DLG2: variants seen among roughly 807,000 people sequenced by gnomAD.
DLG2 encodes disks large homolog 2.
A neutral mutation model predicts 132.5 loss-of-function variants in DLG2; 45 were observed. That is an observed-to-expected ratio of 0.34 (90% confidence interval 0.27 to 0.44). DLG2 has a LOEUF of 0.44. Ranked by LOEUF, DLG2 falls within the 20% of genes least tolerant of loss-of-function variation. The probability of loss-of-function intolerance (pLI) is 1.00; values close to 1 mark genes in which losing one functional copy is unlikely to be tolerated. For missense variants in DLG2, 1,045 were observed against 1,196.9 expected (o/e 0.87, Z 1.87); for synonymous variants, 424 against 419.6 (o/e 1.01, Z -0.13).
intron 7 of DLG2, among the ~76,000 whole-genome samples, chr11:84,463,504 G>C (rs1215921082): frequency 6.6e-6 from 1 of 151,172 alleles, no homozygotes; most frequent in Non-Finnish European, 1.5e-5. Flanking sequence ...TTGGCAGACA[G>C]TGCCTGAGCT....
At chr11:84,714,595 T>TTTTTCTCTC (rs2060897384) in intron 6 of DLG2, among the ~76,000 whole-genome samples, 1 of 103,894 alleles carries the variant, frequency 9.6e-6, no homozygotes, top group Non-Finnish European at 1.9e-5. Context: ...CTCTTTCTCT[T>TTTTTCTCTC]TCTTTCTCTT....
At chr11:85,412,886 T>A (rs1160907020) in intron 3 of DLG2, among the ~76,000 whole-genome samples, 3 of 151,568 alleles carry the variant, frequency 2.0e-5, no homozygotes, top group Non-Finnish European at 4.4e-5. Flanking sequence ...TGTGCAAATA[T>A]CTTTTTCGTA....
intron 10 of DLG2, among the ~76,000 whole-genome samples, chr11:84,072,175 C>T (rs993142571): frequency 1.3e-5 from 2 of 152,206 alleles, no homozygotes; most frequent in Non-Finnish European, 2.9e-5. Flanking sequence ...ATCCACCTGC[C>T]TTTTTGGATA....
At chr11:84,915,219 G>A (rs1056739022) in intron 6 of DLG2, among the ~76,000 whole-genome samples, 1 of 152,106 alleles carries the variant, frequency 6.6e-6, no homozygotes, top group Non-Finnish European at 1.5e-5. Context: ...AATAAAGAAG[G>A]TTAATGAAGG....
intron 3 of DLG2, among the ~76,000 whole-genome samples, chr11:85,359,552 A>G (rs1283619281): frequency 6.6e-6 from 1 of 152,220 alleles, no homozygotes; most frequent in African/African-American, 2.4e-5. Flanking sequence ...TGGGAGAAAT[A>G]AAGATCAATA....
At chr11:83,519,190 G>C (rs556179699) in intron 21 of DLG2, among the ~76,000 whole-genome samples, 139 of 152,326 alleles carry the variant, frequency 9.1e-4, no homozygotes, top group South Asian at 2.5e-3. Context: ...TTCTGCAGCG[G>C]GGTGTACTGT....
intron 3 of DLG2, among the ~76,000 whole-genome samples, chr11:85,505,427 T>C (rs1245473816): frequency 6.6e-6 from 1 of 152,210 alleles, no homozygotes; most frequent in Non-Finnish European, 1.5e-5. Context: ...GTTCTTAGCA[T>C]GAAGGGCTGT....
intron 3 of DLG2, among the ~76,000 whole-genome samples, chr11:85,593,133 C>T (rs1211429525): frequency 6.6e-6 from 1 of 151,972 alleles, no homozygotes; most frequent in African/African-American, 2.4e-5. Flanking sequence ...TTATGGATTA[C>T]AAAGTACTCA....
At chr11:85,061,767 A>G (rs2064164539) in intron 6 of DLG2, among the ~76,000 whole-genome samples, 1 of 151,926 alleles carries the variant, frequency 6.6e-6, no homozygotes, top group Non-Finnish European at 1.5e-5. Context: ...TTTAGTGAAT[A>G]GAAATGTTAG....
At chr11:85,038,659 T>G (rs757390769) in intron 6 of DLG2, among the ~76,000 whole-genome samples, 1 of 152,092 alleles carries the variant, frequency 6.6e-6, no homozygotes, top group Non-Finnish European at 1.5e-5. Flanking sequence ...CAACTTAAAA[T>G]AGTTTTCTAA....
intron 6 of DLG2, among the ~76,000 whole-genome samples, chr11:84,857,880 G>A (rs1218284863): frequency 1.3e-5 from 2 of 151,586 alleles, no homozygotes; most frequent in Admixed American, 1.3e-4. Context: ...CCCAATATTT[G>A]TAGCCACTAA....
At chr11:84,220,778 TTC>T (rs1335669187) in intron 8 of DLG2, among the ~76,000 whole-genome samples, 6 of 127,352 alleles carry the variant, frequency 4.7e-5, no homozygotes, top group African/African-American at 1.7e-4. Context: ...TCTTTTTCTT[TTC>T]TTTTTTTTTT....
intron 9 of DLG2, among the ~76,000 whole-genome samples, chr11:84,141,698 A>C (rs1391158530): frequency 1.3e-5 from 2 of 152,168 alleles, no homozygotes; most frequent in South Asian, 2.1e-4. Flanking sequence ...CTCCTCAAAA[A>C]AATTATTTAA....
intron 8 of DLG2, among the ~76,000 whole-genome samples, chr11:84,215,297 T>G (rs2096821665): frequency 6.6e-6 from 1 of 152,194 alleles, no homozygotes; most frequent in Non-Finnish European, 1.5e-5. Flanking sequence ...TGCTACATAA[T>G]GAAGGATAAT....
chr11:85,586,538 G>A (rs1443563360), intron 3 of DLG2, among the ~76,000 whole-genome samples: 1 of 152,106 alleles, frequency 6.6e-6, no homozygotes, highest in East Asian at 1.9e-4. Context: ...TATTTCCGTG[G>A]TATCAGTTGT....
chr11:84,289,191 T>C (rs906210908), intron 7 of DLG2, among the ~76,000 whole-genome samples: 2 of 152,148 alleles, frequency 1.3e-5, no homozygotes, highest in African/African-American at 4.8e-5. Flanking sequence ...AAGTTTTTCA[T>C]GTTTAAGTTC....
chr11:84,988,532 T>C (rs559112213), intron 6 of DLG2, among the ~76,000 whole-genome samples: 1 of 152,346 alleles, frequency 6.6e-6, no homozygotes, highest in East Asian at 1.9e-4. Context: ...GATGGAATGC[T>C]ACTCAGCCAT....
intron 7 of DLG2, among the ~76,000 whole-genome samples, chr11:84,412,593 C>A (rs2098912593): frequency 2.0e-5 from 3 of 152,136 alleles, no homozygotes; most frequent in Admixed American, 2.0e-4. Context: ...AAAGATAGAT[C>A]CAACCAATAT....
At chr11:83,621,648 A>G (rs1263542094) in intron 19 of DLG2, among the ~76,000 whole-genome samples, 2 of 152,102 alleles carry the variant, frequency 1.3e-5, no homozygotes, top group African/African-American at 2.4e-5. Flanking sequence ...ACATATCATA[A>G]AAGCAGGCAT....
Sources: allele counts gnomAD v4.1 joint callset (sites outside exome capture counted in the v4.1 genomes callset), GRCh38; gene constraint gnomAD v4.1.1; transcripts MANE v1.5; gene names NCBI Gene and HGNC (gene_info 2026-07-23, HGNC 2026-07-21).